DEPDC4: variants seen among roughly 807,000 people sequenced by gnomAD.
DEPDC4 encodes the protein DEP domain containing 4.
A neutral mutation model predicts 52.0 loss-of-function variants in DEPDC4; 52 were observed. That is an observed-to-expected ratio of 1.00 (90% CI 0.80 to 1.26). DEPDC4 has a LOEUF of 1.26. Among genes scored for constraint, DEPDC4 ranks in the 50% most tolerant of loss-of-function variants. The pLI, the probability that DEPDC4 is intolerant of heterozygous loss-of-function variation, is 0.00. For synonymous variants in DEPDC4, 201 were observed against 196.8 expected, an observed-to-expected ratio of 1.02 and a Z score of -0.18; for missense variants, 530 against 546.9, an observed-to-expected ratio of 0.97 and a Z score of 0.31.
chr12:100,264,896 T>C (rs559463242), intron 1 of DEPDC4, among the ~76,000 whole-genome samples: 11 of 152,146 alleles, frequency 7.2e-5, no homozygotes, highest in South Asian at 2.1e-4. Flanking sequence ...TGAAAAAAAA[T>C]TGCCTTATCA....
chr12:100,276,282 G>A, the DEPDC4 span, among the ~76,000 whole-genome samples: 1 of 151,866 alleles, frequency 6.6e-6, no homozygotes, highest in African/African-American at 2.4e-5. Flanking sequence ...AGAATCTGTA[G>A]AATTTCTGTT....
chr12:100,278,717 C>T, the DEPDC4 span, among the ~76,000 whole-genome samples: 2 of 151,180 alleles, frequency 1.3e-5, no homozygotes, highest in Non-Finnish European at 2.9e-5. Flanking sequence ...GCAACCTTCA[C>T]CTCCCGGGTT....
At chr12:100,278,526 T>C in the DEPDC4 span, among the ~76,000 whole-genome samples, 3 of 152,162 alleles carry the variant, frequency 2.0e-5, no homozygotes, top group Admixed American at 6.6e-5. Flanking sequence ...GAAAGTTTTT[T>C]CCCCAACCTG....
chr12:100,260,073 C>T (rs2096248362), intron 3 of DEPDC4, among the ~76,000 whole-genome samples: 1 of 151,726 alleles, frequency 6.6e-6, no homozygotes, highest in African/African-American at 2.4e-5. Context: ...AATTGCTTAG[C>T]ACAGAGAAAG....
chr12:100,267,589 G>T (rs1224642734), upstream of DEPDC4: 1 of 152,670 alleles, frequency 6.6e-6, no homozygotes, highest in Non-Finnish European at 1.5e-5. Context: ...CGGCGCCCGC[G>T]CAAAGCGGGG....
the DEPDC4 span, among the ~76,000 whole-genome samples, chr12:100,281,833 CAAAAAAAAAA>C: frequency 1.7e-5 from 1 of 59,366 alleles, no homozygotes; most frequent in Non-Finnish European, 3.5e-5. Flanking sequence ...GACTCCGTCT[CAAAAAAAAAA>C]AAAAAAAGAA....
intron 3 of DEPDC4, among the ~76,000 whole-genome samples, chr12:100,259,082 AT>A (rs546162818): frequency 6.3e-4 from 80 of 127,652 alleles, no homozygotes; most frequent in Non-Finnish European, 1.0e-3. Context: ...AAAAAAAAAA[AT>A]ATATATATAT....
chr12:100,268,553 C>G (rs1167782689), upstream of DEPDC4, among the ~76,000 whole-genome samples: 2 of 152,122 alleles, frequency 1.3e-5, no homozygotes, highest in African/African-American at 2.4e-5. Context: ...GGAAGGGAAC[C>G]TAATGGAAGG....
In DEPDC4 at chr12:100,245,746, C is replaced by T. The variant is rs149153163; in HGVS notation, c.1453+3154G>A. ...CAGGATTGCTTCCAGTCCTCCAGGT[C>T]AATCCATTCTCTACACTGCTGCCAG... On this transcript the variant is annotated intron_variant, in intron 8 of 9. Transcript: ENST00000550587. Among the ~76,000 whole-genome samples, 252 of 152,218 alleles carry T rather than the reference C, an allele frequency of 1.7e-3. 1 individual carries two copies. Among genetic ancestry groups the T allele is most frequent in the African/African-American group, 5.6e-3 (233 of 41,540 alleles).
intron 9 of DEPDC4, among the ~76,000 whole-genome samples, chr12:100,231,705 A>C (rs2096135179): frequency 6.6e-6 from 1 of 152,198 alleles, no homozygotes; most frequent in Non-Finnish European, 1.5e-5. Context: ...AGCATCCTTG[A>C]GCCATCTTTA....
chr12:100,259,081 A>AAAT (rs543577636), intron 3 of DEPDC4, among the ~76,000 whole-genome samples: 67 of 149,186 alleles, frequency 4.5e-4, no homozygotes, highest in African/African-American at 1.6e-3. Flanking sequence ...AAAAAAAAAA[A>AAAT]ATATATATAT....
At chr12:100,253,357 A>C (rs1193969391) in intron 5 of DEPDC4, 132 bp downstream of exon 5, 1 of 354,792 alleles carries the variant, frequency 2.8e-6, no homozygotes, top group African/African-American at 2.1e-5. Flanking sequence ...GACTTCTTGA[A>C]GTACCTTGAC....
chr12:100,281,019 G>GTTT, the DEPDC4 span, among the ~76,000 whole-genome samples: 171 of 50,472 alleles, frequency 3.4e-3, 27 homozygotes, highest in Non-Finnish European at 4.2e-3. Flanking sequence ...TACCATCAGT[G>GTTT]TTTTTTTTTT....
chr12:100,259,705 T>C (rs1471938365), intron 3 of DEPDC4, among the ~76,000 whole-genome samples: 1 of 151,934 alleles, frequency 6.6e-6, no homozygotes, highest in African/African-American at 2.4e-5. Context: ...TTTAGAAAAT[T>C]AATGGATGTG....
At chr12:100,243,819 T>C (rs1312848763) in intron 8 of DEPDC4, among the ~76,000 whole-genome samples, 3 of 151,974 alleles carry the variant, frequency 2.0e-5, no homozygotes, top group Non-Finnish European at 4.4e-5. Context: ...CACTGCAACC[T>C]GGATTTTGCC....
upstream of DEPDC4, among the ~76,000 whole-genome samples, chr12:100,272,026 T>C (rs1410438856): frequency 6.6e-6 from 1 of 152,184 alleles, no homozygotes; most frequent in Non-Finnish European, 1.5e-5. Context: ...ACGTAAAATC[T>C]AGTATTACAA....
intron 2 of DEPDC4, 42 bp from the exon 3 acceptor site, chr12:100,262,451 A>T: frequency 2.1e-6 from 3 of 1,459,000 alleles, no homozygotes; most frequent in Non-Finnish European, 2.7e-6. Context: ...TATACACAGA[A>T]CCAAAATTTC....
chr12:100,268,575 A>T (rs951677821), upstream of DEPDC4, among the ~76,000 whole-genome samples: 1 of 152,210 alleles, frequency 6.6e-6, no homozygotes, highest in Non-Finnish European at 1.5e-5. Context: ...AAGGGCCTTC[A>T]TTCTCTTTAG....
upstream of DEPDC4, among the ~76,000 whole-genome samples, chr12:100,270,567 T>C (rs147605744): frequency 6.6e-6 from 1 of 152,166 alleles, no homozygotes; most frequent in Admixed American, 6.5e-5. Flanking sequence ...TTACTTATTG[T>C]TTAAATTACT....
Sources: gnomAD v4.1 joint callset for allele counts (sites outside exome capture counted in the v4.1 genomes callset) on GRCh38, gnomAD v4.1.1 for gene constraint, MANE v1.5 for transcripts, NCBI Gene and HGNC (gene_info 2026-07-23, HGNC 2026-07-21) for gene names.